Variants in GRHL2 observed in about 807,000 individuals in gnomAD.
The protein encoded by GRHL2 is grainyhead-like protein 2 homolog.
In GRHL2, 21 loss-of-function variants were observed where a neutral mutation model predicts 83.8. The ratio of observed to expected loss-of-function variants is 0.25; its 90% confidence interval spans 0.18 to 0.36. The LOEUF is 0.36. Ranked by LOEUF, GRHL2 falls within the 10% of genes least tolerant of loss-of-function variation. The pLI is 1.00. For synonymous variants in GRHL2, 280 were observed against 278.9 expected (o/e 1.00, Z -0.04); for missense variants, 623 against 781.8 (o/e 0.80, Z 2.42).
At chr8:101,548,870 C>T (rs1811319403) in intron 2 of GRHL2, among the ~76,000 whole-genome samples, 2 of 152,214 alleles carry the variant, frequency 1.3e-5, no homozygotes, top group African/African-American at 2.4e-5. Flanking sequence ...CAACAGCATT[C>T]ACTTCCATGA....
At chr8:101,567,801 A>G (rs974579245) in intron 4 of GRHL2, among the ~76,000 whole-genome samples, 14 of 152,202 alleles carry the variant, frequency 9.2e-5, no homozygotes, top group African/African-American at 3.1e-4. Context: ...GATTAGAACC[A>G]CAGAATTTAC....
At chr8:101,640,688 C>T (rs1175436363) in intron 12 of GRHL2, among the ~76,000 whole-genome samples, 1 of 152,166 alleles carries the variant, frequency 6.6e-6, no homozygotes, top group African/African-American at 2.4e-5. Flanking sequence ...CTTTTTCCAG[C>T]TTGCAGCAAG....
At chr8:101,514,479 G>A (rs1422402561) in intron 1 of GRHL2, among the ~76,000 whole-genome samples, 1 of 152,190 alleles carries the variant, frequency 6.6e-6, no homozygotes, top group South Asian at 2.1e-4. Flanking sequence ...GGCTGGAGAG[G>A]TACCCAGCAG....
chr8:101,632,689 T>C (rs749129547), intron 11 of GRHL2, among the ~76,000 whole-genome samples: 2 of 152,202 alleles, frequency 1.3e-5, no homozygotes, highest in Non-Finnish European at 2.9e-5. Flanking sequence ...TGAAACACAA[T>C]AGAGCTCCAC....
At chr8:101,494,053 C>G (rs1032014244) in intron 1 of GRHL2, among the ~76,000 whole-genome samples, 1 of 152,278 alleles carries the variant, frequency 6.6e-6, no homozygotes, top group Non-Finnish European at 1.5e-5. Flanking sequence ...ATTGGAAGTG[C>G]GCGGGGCCGC....
intron 8 of GRHL2, among the ~76,000 whole-genome samples, chr8:101,612,481 T>TTAGA (rs71574030): frequency 0.029 from 3,998 of 139,586 alleles, 177 homozygotes; most frequent in East Asian, 0.057. Context: ...GATGGATGGA[T>TTAGA]TAGATAGATA....
chr8:101,577,260 G>A (rs1423557050), intron 6 of GRHL2, 148 bp from the exon 7 acceptor site: 70 of 676,528 alleles, frequency 1.0e-4, no homozygotes, highest in South Asian at 6.4e-4. Flanking sequence ...ATAACAAAAC[G>A]GACCATACAG....
intron 1 of GRHL2, among the ~76,000 whole-genome samples, chr8:101,497,719 C>A (rs562946783): frequency 6.6e-6 from 1 of 152,284 alleles, no homozygotes; most frequent in Non-Finnish European, 1.5e-5. Flanking sequence ...TTAAATAGGG[C>A]AACACTGCTT....
intron 1 of GRHL2, among the ~76,000 whole-genome samples, chr8:101,503,001 C>G (rs749102236): frequency 2.0e-5 from 3 of 152,214 alleles, no homozygotes; most frequent in Non-Finnish European, 4.4e-5. Flanking sequence ...CGCAGTTTCA[C>G]TTCAAGGATA....
chr8:101,596,105 G>C (rs1586129923), intron 7 of GRHL2, among the ~76,000 whole-genome samples: 1 of 149,454 alleles, frequency 6.7e-6, no homozygotes, highest in Admixed American at 6.8e-5. Context: ...TGGTGACAGA[G>C]CAGGACTCCG....
chr8:101,579,630 T>A (rs1364715714), intron 7 of GRHL2, among the ~76,000 whole-genome samples: 1 of 152,180 alleles, frequency 6.6e-6, no homozygotes, highest in Non-Finnish European at 1.5e-5. Context: ...TCTGCTCACA[T>A]AGAGAGAGAA....
At chr8:101,537,493 A>T (rs753952975) in intron 1 of GRHL2, among the ~76,000 whole-genome samples, 1 of 152,252 alleles carries the variant, frequency 6.6e-6, no homozygotes, top group Non-Finnish European at 1.5e-5. Context: ...ACCTGAAAAC[A>T]GTCCATTGGA....
chr8:101,622,206 G>C (rs1812980495), intron 9 of GRHL2, among the ~76,000 whole-genome samples: 1 of 152,142 alleles, frequency 6.6e-6, no homozygotes, highest in Admixed American at 6.6e-5. Flanking sequence ...GCAACACCTT[G>C]TCAGAAGACA....
chr8:101,594,472 C>T (rs1170422492), intron 7 of GRHL2, among the ~76,000 whole-genome samples: 1 of 152,242 alleles, frequency 6.6e-6, no homozygotes, highest in Non-Finnish European at 1.5e-5. Context: ...GCATACAACA[C>T]TCACCCAAGG....
intron 2 of GRHL2, among the ~76,000 whole-genome samples, chr8:101,549,378 C>G (rs1484530261): frequency 6.6e-6 from 1 of 152,170 alleles, no homozygotes; most frequent in Non-Finnish European, 1.5e-5. Flanking sequence ...GCATTTTAAG[C>G]AGACCACTCT....
chr8:101,645,153 T>C (rs1384655487), intron 13 of GRHL2, among the ~76,000 whole-genome samples: 9 of 84,624 alleles, frequency 1.1e-4, no homozygotes, highest in African/African-American at 3.8e-4. Context: ...TTTTTTTTTT[T>C]GACAAAGTCT....
At chr8:101,621,266 A>G (rs1812958963) in intron 9 of GRHL2, among the ~76,000 whole-genome samples, 1 of 152,200 alleles carries the variant, frequency 6.6e-6, no homozygotes, top group Admixed American at 6.5e-5. Flanking sequence ...AGGCCCACAA[A>G]ACAGGTGAAA....
chr8:101,539,997 G>T (rs1811119896), intron 1 of GRHL2, among the ~76,000 whole-genome samples: 1 of 152,204 alleles, frequency 6.6e-6, no homozygotes. Flanking sequence ...CCAGCACAAT[G>T]TCTGGCAACT....
At chr8:101,543,476 A>G (rs202225242) in intron 2 of GRHL2, 40 bp downstream of exon 2, 3 of 1,575,092 alleles carry the variant, frequency 1.9e-6, no homozygotes, top group Admixed American at 3.3e-5. Flanking sequence ...TTCCTGCTCC[A>G]GGACAACCCT....
Sources: allele counts gnomAD v4.1 joint callset (sites outside exome capture counted in the v4.1 genomes callset), GRCh38; gene constraint gnomAD v4.1.1; transcripts MANE v1.5; gene names NCBI Gene and HGNC (gene_info 2026-07-23, HGNC 2026-07-21).